SCP2: variants seen among roughly 807,000 people sequenced by gnomAD.
SCP2 encodes SCP-2/3-oxoacyl-CoA thiolase.
In SCP2, 48 loss-of-function variants were observed where a neutral mutation model predicts 71.4. That is an observed-to-expected ratio of 0.67 (90% CI 0.53 to 0.86). SCP2 has a LOEUF of 0.86. Among genes scored for constraint, SCP2 ranks in the 40% least tolerant of loss-of-function variants. The probability of loss-of-function intolerance (pLI) is 0.00; values close to 1 mark genes in which losing one functional copy is unlikely to be tolerated. For synonymous variants in SCP2, 220 were observed against 218.1 expected (o/e 1.01, Z -0.08); for missense variants, 560 against 655.6 (o/e 0.85, Z 1.59).
At chr1:53,000,385 G>A (rs891595564) in intron 11 of SCP2, among the ~76,000 whole-genome samples, 2 of 152,172 alleles carry the variant, frequency 1.3e-5, no homozygotes, top group Non-Finnish European at 1.5e-5. Context: ...TTGAGATAAA[G>A]CTCTTGACAA....
At chr1:52,974,230 G>GTTT (rs34706937) in intron 6 of SCP2, among the ~76,000 whole-genome samples, 1 of 152,002 alleles carries the variant, frequency 6.6e-6, no homozygotes, top group East Asian at 1.9e-4. Flanking sequence ...CCTCATTACT[G>GTTT]TACTTTTTTT....
intron 12 of SCP2, among the ~76,000 whole-genome samples, chr1:53,025,381 CTGA>C (rs1448466023): frequency 4.6e-5 from 7 of 152,174 alleles, no homozygotes; most frequent in African/African-American, 1.7e-4. Flanking sequence ...TTTCACTATG[CTGA>C]TGATTTCTCC....
intron 11 of SCP2, among the ~76,000 whole-genome samples, chr1:53,000,848 G>A (rs532563700): frequency 2.0e-5 from 3 of 152,036 alleles, no homozygotes; most frequent in Non-Finnish European, 4.4e-5. Flanking sequence ...CCAGCTACTC[G>A]GGAGCCTGAG....
intron 13 of SCP2, among the ~76,000 whole-genome samples, chr1:53,035,766 G>A (rs2150256675): frequency 6.6e-6 from 1 of 152,314 alleles, no homozygotes; most frequent in South Asian, 2.1e-4. Flanking sequence ...TACTCTGTGT[G>A]TTGTGGGTAT....
intron 5 of SCP2, among the ~76,000 whole-genome samples, chr1:52,955,210 G>T (rs1455871513): frequency 6.6e-6 from 1 of 152,146 alleles, no homozygotes; most frequent in African/African-American, 2.4e-5. Context: ...AAATCCTAAA[G>T]GTATTGAAGA....
At chr1:52,989,347 A>G (rs1487551040) in intron 11 of SCP2, among the ~76,000 whole-genome samples, 1 of 152,222 alleles carries the variant, frequency 6.6e-6, no homozygotes, top group Non-Finnish European at 1.5e-5. Flanking sequence ...AACCAGATTT[A>G]CAACAATCTG....
At chr1:52,977,947 C>G (rs998174999) in intron 8 of SCP2, among the ~76,000 whole-genome samples, 1 of 147,330 alleles carries the variant, frequency 6.8e-6, no homozygotes, top group African/African-American at 2.5e-5. Context: ...GCCTAGGCAA[C>G]AAGAGCGAAA....
intron 1 of SCP2, chr1:52,940,439 C>T (rs1265564245): frequency 6.5e-6 from 1 of 154,716 alleles, no homozygotes; most frequent in Non-Finnish European, 1.5e-5. Flanking sequence ...AAAACACTGT[C>T]TTCAGGATAA....
At chr1:53,036,246 T>TATATATATAAAAGCTTTATATATAAC (rs1662943415) in intron 13 of SCP2, among the ~76,000 whole-genome samples, 3 of 149,588 alleles carry the variant, frequency 2.0e-5, no homozygotes, top group Non-Finnish European at 3.0e-5. Flanking sequence ...CCATTTAAGA[T>TATATATATAAAAGCTTTATATATAAC]ATATATATAA....
At chr1:52,938,323 T>G (rs1328850342) in intron 1 of SCP2, among the ~76,000 whole-genome samples, 1 of 152,226 alleles carries the variant, frequency 6.6e-6, no homozygotes, top group African/African-American at 2.4e-5. Context: ...TTGTAAAATG[T>G]ATTTTATTTT....
At chr1:52,939,314 G>C (rs1279411075) in intron 1 of SCP2, among the ~76,000 whole-genome samples, 2 of 152,178 alleles carry the variant, frequency 1.3e-5, no homozygotes, top group Non-Finnish European at 2.9e-5. Flanking sequence ...GAGAGGCTGA[G>C]GCAGGAGGAT....
chr1:53,013,106 C>CTTTTTTTTTTT (rs754111443), intron 11 of SCP2, among the ~76,000 whole-genome samples: 1 of 104,644 alleles, frequency 9.6e-6, no homozygotes, highest in Non-Finnish European at 1.8e-5. Context: ...GTGGAGCTAC[C>CTTTTTTTTTTT]TTTTTTTTTT....
chr1:53,017,293 C>T (rs1375989990), intron 12 of SCP2, among the ~76,000 whole-genome samples: 3 of 152,042 alleles, frequency 2.0e-5, no homozygotes, highest in African/African-American at 7.2e-5. Flanking sequence ...GTATTACTAC[C>T]ACCATAATCA....
At chr1:52,941,997 C>T in intron 2 of SCP2, 144 bp downstream of exon 2, 1 of 662,528 alleles carries the variant, frequency 1.5e-6, no homozygotes, top group Non-Finnish European at 2.7e-6. Context: ...TAGTGACTCA[C>T]TACAAAGGAA....
intron 13 of SCP2, among the ~76,000 whole-genome samples, chr1:53,037,920 A>C (rs1031029289): frequency 4.8e-5 from 6 of 125,584 alleles, no homozygotes; most frequent in Non-Finnish European, 8.1e-5. Flanking sequence ...ACACACACAC[A>C]CACACACACA....
chr1:52,960,634 GTGTATATATGTA>G (rs1447289298), intron 5 of SCP2, among the ~76,000 whole-genome samples: 2 of 140,312 alleles, frequency 1.4e-5, no homozygotes, highest in Non-Finnish European at 3.0e-5. Flanking sequence ...ATGTATATAT[GTGTATATATGTA>G]TGTATATATG....
At position 52,985,416 on chromosome 1, in the gene SCP2, G is replaced by A. The variant is rs76734689; in HGVS notation, c.974-2613G>A. 8.9e-3 allele frequency among the ~76,000 whole-genome samples: 1,349 copies of A among 152,130 alleles called. 105 individuals are homozygous for A. In the East Asian group the frequency reaches 0.2, roughly 22 times the overall value. The stretch of plus-strand genomic sequence containing the variant: ...TCTATCTCTAAGTCCTGTTGGCTAT[G>A]GACTCTACCTTCAAAATAAATCCAG... On this transcript the variant is annotated intron_variant, in intron 10 of 15. Coordinates refer to ENST00000371514, the MANE Select transcript of SCP2 (RefSeq NM_002979.5).
rs556749042 is a variant in SCP2, at chr1:53,027,223, T to A, written c.1236-746T>A. Among the ~76,000 whole-genome samples, 316 of 152,048 alleles carry A rather than the reference T, an allele frequency of 2.1e-3. 1 individual carries two copies. Among genetic ancestry groups the A allele is most frequent in the African/African-American group, 7.4e-3 (305 of 41,476 alleles). On this transcript the variant is annotated intron_variant, in intron 12 of 15. Transcript: ENST00000371514. ...GCACGCACCACCACACCAGGCCAAT[T>A]TTTGTGTTTTTTATAGAGACGGGGT...
At chr1:53,009,100 C>G (rs1660821309) in intron 11 of SCP2, among the ~76,000 whole-genome samples, 2 of 152,160 alleles carry the variant, frequency 1.3e-5, no homozygotes, top group South Asian at 2.1e-4. Context: ...AGGAGAACTA[C>G]AAACCACTGC....
Sources: gnomAD v4.1 joint callset for allele counts (sites outside exome capture counted in the v4.1 genomes callset) on GRCh38, gnomAD v4.1.1 for gene constraint, MANE v1.5 for transcripts, NCBI Gene and HGNC (gene_info 2026-07-23, HGNC 2026-07-21) for gene names.